The following NRXN1 variants were observed in gnomAD, a reference collection of about 807,000 sequenced individuals.
NRXN1 encodes the protein neurexin 1.
In NRXN1, 39 loss-of-function variants were observed where a neutral mutation model predicts 150.9. The observed-to-expected ratio is 0.26, with a 90% CI of 0.20 to 0.34. The LOEUF (loss-of-function observed/expected upper bound fraction) is 0.34. Among genes scored for constraint, NRXN1 ranks in the 10% least tolerant of loss-of-function variants. The probability of loss-of-function intolerance (pLI) is 1.00; values close to 1 mark genes in which losing one functional copy is unlikely to be tolerated. For missense variants in NRXN1, 1,815 were observed against 1,949.9 expected (o/e 0.93, Z 1.30); for synonymous variants, 924 against 757.0 (o/e 1.22, Z -3.62).
At chr2:50,636,000 C>A (rs1025489261) in intron 5 of NRXN1, among the ~76,000 whole-genome samples, 1 of 151,940 alleles carries the variant, frequency 6.6e-6, no homozygotes, top group African/African-American at 2.4e-5. Context: ...TTAAAGTAAC[C>A]ACTACATTTA....
chr2:50,105,466 C>G (rs13010765), intron 18 of NRXN1, among the ~76,000 whole-genome samples: 1 of 152,008 alleles, frequency 6.6e-6, no homozygotes, highest in Non-Finnish European at 1.5e-5. Context: ...CCAACCCCTT[C>G]CCACCTAGTT....
intron 17 of NRXN1, among the ~76,000 whole-genome samples, chr2:50,373,356 C>T (rs1338064185): frequency 6.9e-6 from 1 of 144,162 alleles, no homozygotes; most frequent in Non-Finnish European, 1.5e-5. Flanking sequence ...AGGTAGAAGA[C>T]TCTGAGACTG....
intron 19 of NRXN1, among the ~76,000 whole-genome samples, chr2:50,082,401 T>C (rs1199473710): frequency 1.3e-5 from 2 of 152,200 alleles, no homozygotes; most frequent in Non-Finnish European, 2.9e-5. Context: ...GAAACAATAA[T>C]GGCAGACAAG....
At chr2:49,974,034 T>C (rs1487619918) in intron 21 of NRXN1, 1 of 717,444 alleles carries the variant, frequency 1.4e-6, no homozygotes, top group Non-Finnish European at 2.6e-6. Context: ...TTAGAGCTTT[T>C]TTCTTAATTC....
At chr2:50,879,365 G>C (rs1679090088) in intron 5 of NRXN1, among the ~76,000 whole-genome samples, 1 of 151,834 alleles carries the variant, frequency 6.6e-6, no homozygotes, top group African/African-American at 2.4e-5. Flanking sequence ...TTGCTTATTT[G>C]CAGTTATTTC....
chr2:50,555,229 C>T (rs925042307), intron 8 of NRXN1, among the ~76,000 whole-genome samples: 1 of 152,064 alleles, frequency 6.6e-6, no homozygotes, highest in Non-Finnish European at 1.5e-5. Context: ...TTGATCAATG[C>T]TAACACTCAT....
chr2:50,471,973 G>A (rs2089516026), intron 16 of NRXN1, among the ~76,000 whole-genome samples: 1 of 151,666 alleles, frequency 6.6e-6, no homozygotes, highest in Admixed American at 6.6e-5. Flanking sequence ...TATAAAGCAA[G>A]CATCGTAGAA....
intron 18 of NRXN1, among the ~76,000 whole-genome samples, chr2:50,119,508 G>C (rs531886161): frequency 6.6e-6 from 1 of 151,450 alleles, no homozygotes; most frequent in East Asian, 1.9e-4. Flanking sequence ...AGGGATTAGG[G>C]AGATGCAAAA....
chr2:50,520,269 G>T (rs1431697240), intron 12 of NRXN1, among the ~76,000 whole-genome samples: 1 of 151,800 alleles, frequency 6.6e-6, no homozygotes, highest in Non-Finnish European at 1.5e-5. Context: ...TATTTTGAGA[G>T]TCAAAATTAG....
intron 12 of NRXN1, among the ~76,000 whole-genome samples, chr2:50,511,302 G>T (rs141831279): frequency 1.3e-5 from 2 of 152,270 alleles, no homozygotes; most frequent in Non-Finnish European, 2.9e-5. Flanking sequence ...ATCTCTGCCA[G>T]CCTTGGCCTA....
chr2:50,544,494 C>T (rs2093452648), intron 9 of NRXN1, among the ~76,000 whole-genome samples: 1 of 152,024 alleles, frequency 6.6e-6, no homozygotes. Context: ...TGCTTATTAC[C>T]ATCTGTTTTC....
At chr2:50,336,996 G>A (rs577992974) in intron 17 of NRXN1, among the ~76,000 whole-genome samples, 2 of 152,130 alleles carry the variant, frequency 1.3e-5, no homozygotes, top group African/African-American at 4.8e-5. Flanking sequence ...AAAGCTAGAG[G>A]AGAAACAAAA....
intron 5 of NRXN1, among the ~76,000 whole-genome samples, chr2:50,737,191 AT>A (rs1231547395): frequency 6.6e-6 from 1 of 151,984 alleles, no homozygotes; most frequent in African/African-American, 2.4e-5. Flanking sequence ...GCAAAACTCC[AT>A]TTCAAAAAAA....
chr2:50,687,197 C>T (rs1057018197), intron 5 of NRXN1, among the ~76,000 whole-genome samples: 1 of 152,188 alleles, frequency 6.6e-6, no homozygotes, highest in East Asian at 1.9e-4. Context: ...TTAGTAATAC[C>T]TCATTTACCT....
At chr2:50,600,945 T>TA (rs1553867702) in intron 8 of NRXN1, among the ~76,000 whole-genome samples, 3,135 of 150,286 alleles carry the variant, frequency 0.021, 99 homozygotes, top group East Asian at 0.13. Flanking sequence ...ATTTGTGAAT[T>TA]AAAAAAAAAT....
intron 21 of NRXN1, among the ~76,000 whole-genome samples, chr2:50,029,910 T>A (rs1286279142): frequency 1.3e-5 from 2 of 152,064 alleles, no homozygotes; most frequent in Admixed American, 6.6e-5. Context: ...ATTGTGACAT[T>A]TAAAGGAGAA....
chr2:50,816,468 C>A (rs892406813), intron 5 of NRXN1, among the ~76,000 whole-genome samples: 2 of 151,980 alleles, frequency 1.3e-5, no homozygotes, highest in Admixed American at 1.3e-4. Context: ...ATCTTGTGTG[C>A]TTGTCTCAGT....
rs864309567 is a variant in NRXN1, at chr2:50,497,385, G to A, written c.2827C>T (p.Leu943=). ...TCATTTCCATCCCCACTGTTATATA[G>A]AATTAATCCATCTAGGGATGTTGTC... ...FKTTSLDGLI[L]YNSGDGNDFI... Residue 943 remains leucine, a synonymous_variant, in exon 14 of 23, where the codon CTA becomes TTA. Transcript: ENST00000401669. The A allele has an allele frequency of 1.3e-6, 2 of 1,583,662 alleles. No individual in the cohort carries two copies. The highest frequency in any genetic ancestry group is 1.3e-5 in the African/African-American group (1 of 74,386).
intron 19 of NRXN1, among the ~76,000 whole-genome samples, chr2:50,065,174 GTTAC>G (rs777428122): frequency 6.6e-5 from 10 of 152,120 alleles, no homozygotes; most frequent in Non-Finnish European, 1.3e-4. Context: ...TATGCATTGT[GTTAC>G]TTGCTTATTT....
Sources: gnomAD v4.1 joint callset for allele counts (sites outside exome capture counted in the v4.1 genomes callset) on GRCh38, gnomAD v4.1.1 for gene constraint, MANE v1.5 for transcripts, NCBI Gene and HGNC (gene_info 2026-07-23, HGNC 2026-07-21) for gene names.